The following NRG1 variants were observed in gnomAD, a reference collection of about 807,000 sequenced individuals.
The protein encoded by NRG1 is pro-neuregulin-1, membrane-bound isoform.
Under a neutral mutation model 63.8 loss-of-function variants are expected in NRG1, and 18 were observed. The ratio of observed to expected loss-of-function variants is 0.28; its 90% CI spans 0.19 to 0.42. NRG1 has a LOEUF of 0.42. NRG1 is among the 10% of genes least tolerant of loss of function. The pLI, the probability that NRG1 is intolerant of heterozygous loss-of-function variation, is 1.00. For synonymous variants in NRG1, 302 were observed against 301.3 expected, an observed-to-expected ratio of 1.00 and a Z score of -0.02; for missense variants, 762 against 814.7, an observed-to-expected ratio of 0.94 and a Z score of 0.79.
intron 1 of NRG1, among the ~76,000 whole-genome samples, chr8:32,258,726 C>G (rs1389059933): frequency 6.6e-6 from 1 of 152,100 alleles, no homozygotes; most frequent in Admixed American, 6.6e-5. Context: ...ACAAAACCAC[C>G]CCCATGATCC....
chr8:31,917,429 G>A (rs1318362456), intron 1 of NRG1, among the ~76,000 whole-genome samples: 1 of 150,370 alleles, frequency 6.7e-6, no homozygotes, highest in Non-Finnish European at 1.5e-5. Context: ...CATATGGCTA[G>A]CCAGTTTTCC....
chr8:31,691,423 G>A (rs988567253), intron 1 of NRG1, among the ~76,000 whole-genome samples: 45 of 151,378 alleles, frequency 3.0e-4, no homozygotes, highest in African/African-American at 8.0e-4. Context: ...GTGAAACCCC[G>A]TCTCTACTAA....
intron 1 of NRG1, among the ~76,000 whole-genome samples, chr8:31,945,862 T>G (rs1563600864): frequency 6.6e-6 from 1 of 152,218 alleles, no homozygotes; most frequent in Admixed American, 6.5e-5. Context: ...TCCTTGCTGA[T>G]GTTTTGCAAC....
intron 1 of NRG1, among the ~76,000 whole-genome samples, chr8:31,927,650 G>A (rs28625955): frequency 0.035 from 5,218 of 147,946 alleles, 326 homozygotes; most frequent in African/African-American, 0.12. Context: ...GGGTTTCACC[G>A]TTTTAGCCGG....
At chr8:31,879,250 G>A (rs1174008823) in intron 1 of NRG1, among the ~76,000 whole-genome samples, 1 of 152,172 alleles carries the variant, frequency 6.6e-6, no homozygotes, top group African/African-American at 2.4e-5. Flanking sequence ...GTGTTCTGTA[G>A]TCTTTATTCC....
rs1436125430 is a variant in NRG1 at position 32,087,011 on chromosome 8, A to G, written c.37+447580A>G. On this transcript the variant is annotated intron_variant, in intron 1 of 10. Coordinates refer to the NRG1 transcript ENST00000519301. ...TAGCATCTGACGTAACTGAAACTAC[A>G]TGCATCGAATAGCATCTCCCCATTT... is the stretch of plus-strand genomic sequence containing the variant. Among the ~76,000 whole-genome samples, 4 of 152,194 alleles carry G rather than the reference A, an allele frequency of 2.6e-5. No homozygotes were observed. The East Asian group carries it at 5.8e-4, about 22-fold the overall frequency.
intron 1 of NRG1, among the ~76,000 whole-genome samples, chr8:32,300,279 T>C (rs541052699): frequency 6.6e-6 from 1 of 152,336 alleles, no homozygotes; most frequent in East Asian, 1.9e-4. Context: ...TAAATAAAAA[T>C]ATTTTAAAAC....
chr8:31,713,538 C>G (rs187023226), intron 1 of NRG1, among the ~76,000 whole-genome samples: 3 of 152,090 alleles, frequency 2.0e-5, no homozygotes, highest in African/African-American at 7.2e-5. Flanking sequence ...TAATGGTAAG[C>G]TACTTAACCT....
chr8:32,324,240 A>C (rs144080780), intron 1 of NRG1, among the ~76,000 whole-genome samples: 81 of 152,320 alleles, frequency 5.3e-4, no homozygotes, highest in African/African-American at 1.5e-3. Context: ...AAACTCAAAC[A>C]GTCTGCTCTT....
intron 1 of NRG1, among the ~76,000 whole-genome samples, chr8:32,246,796 G>A (rs193047732): frequency 6.6e-5 from 10 of 152,124 alleles, no homozygotes; most frequent in Non-Finnish European, 8.8e-5. Context: ...ATAGAATGGC[G>A]GTTACAGGGG....
At chr8:32,717,335 GA>G (rs1819503910) in intron 5 of NRG1, among the ~76,000 whole-genome samples, 1 of 152,132 alleles carries the variant, frequency 6.6e-6, no homozygotes, top group Admixed American at 6.6e-5. Flanking sequence ...GATTGGTCAT[GA>G]GTGAAATGAC....
At chr8:32,317,484 A>G (rs1857536590) in intron 1 of NRG1, among the ~76,000 whole-genome samples, 1 of 152,228 alleles carries the variant, frequency 6.6e-6, no homozygotes, top group Non-Finnish European at 1.5e-5. Context: ...TTTCTGTTAA[A>G]GATATCAGAG....
chr8:32,675,672 TG>T (rs1428548563), intron 5 of NRG1, among the ~76,000 whole-genome samples: 1 of 152,174 alleles, frequency 6.6e-6, no homozygotes, highest in Non-Finnish European at 1.5e-5. Flanking sequence ...TGCTTGAGAT[TG>T]GGGAATAGAG....
intron 1 of NRG1, among the ~76,000 whole-genome samples, chr8:32,584,398 T>A (rs908830376): frequency 6.6e-6 from 1 of 152,034 alleles, no homozygotes; most frequent in African/African-American, 2.4e-5. Context: ...TGCTTAAGAG[T>A]GCAAGGAGGT....
chr8:32,609,552 C>CTCCCTCCTTCCTTCCT (rs1554602383), intron 3 of NRG1, among the ~76,000 whole-genome samples: 6 of 83,174 alleles, frequency 7.2e-5, no homozygotes, highest in African/African-American at 2.6e-4. Flanking sequence ...CCTTCCCTCC[C>CTCCCTCCTTCCTTCCT]TCCTTCCTTC....
At chr8:32,472,840 T>C (rs1201520102) in intron 1 of NRG1, among the ~76,000 whole-genome samples, 1 of 152,118 alleles carries the variant, frequency 6.6e-6, no homozygotes, top group Non-Finnish European at 1.5e-5. Flanking sequence ...TGGTAGGGAG[T>C]GGCAGCCATC....
intron 1 of NRG1, among the ~76,000 whole-genome samples, chr8:31,830,197 A>G (rs1358424799): frequency 1.3e-5 from 2 of 152,228 alleles, no homozygotes; most frequent in Non-Finnish European, 2.9e-5. Flanking sequence ...ATAAATAAAT[A>G]AACACAAGGG....
At chr8:32,084,811 G>T (rs1326517673) in intron 1 of NRG1, among the ~76,000 whole-genome samples, 1 of 152,168 alleles carries the variant, frequency 6.6e-6, no homozygotes, top group Admixed American at 6.6e-5. Flanking sequence ...GATCAGAAAT[G>T]AGGGATGAGA....
intron 1 of NRG1, among the ~76,000 whole-genome samples, chr8:32,193,350 G>T (rs1842674692): frequency 6.6e-6 from 1 of 151,374 alleles, no homozygotes; most frequent in African/African-American, 2.4e-5. Flanking sequence ...TCAGTGTCAG[G>T]GTGATAGATT....
Sources: allele counts gnomAD v4.1 joint callset (sites outside exome capture counted in the v4.1 genomes callset), GRCh38; gene constraint gnomAD v4.1.1; transcripts MANE v1.5; gene names NCBI Gene and HGNC (gene_info 2026-07-23, HGNC 2026-07-21).